The following CPS1 variants were observed in gnomAD, a reference collection of about 807,000 sequenced individuals.
The protein encoded by CPS1 is carbamoyl-phosphate synthase [ammonia], mitochondrial.
A neutral mutation model predicts 174.6 loss-of-function variants in CPS1; 109 were observed. That is an observed-to-expected ratio of 0.62 (90% confidence interval 0.53 to 0.73). The LOEUF (loss-of-function observed/expected upper bound fraction) is 0.73, where lower values mean the gene tolerates loss of function less well. Among genes scored for constraint, CPS1 ranks in the 30% least tolerant of loss-of-function variants. The pLI is 0.00. For synonymous variants in CPS1, 637 were observed against 632.0 expected (o/e 1.01, Z -0.12); for missense variants, 1,689 against 1,821.9 (o/e 0.93, Z 1.33).
chr2:210,620,792 C>T (rs945209719), intron 21 of CPS1, among the ~76,000 whole-genome samples: 11 of 151,996 alleles, frequency 7.2e-5, no homozygotes, highest in African/African-American at 2.7e-4. Context: ...TCCCATTATC[C>T]AGTCACCTCC....
rs1203626815 is a variant in CPS1, at chr2:210,573,392, A to G, written c.221A>G (p.Asn74Ser). ...PSSVAGEVVF[N>S]TGLGGYPEAI... ...TCTGTTGCTGGTGAAGTGGTTTTTA[A>G]TACTGGCCTGGGAGGGTGAGTAATG... is the stretch of plus-strand genomic sequence containing the variant. Residue 74 changes from asparagine (N) to serine (S), a missense_variant, in exon 2 of 38, where the codon AAT (asparagine) becomes AGT (serine). Coordinates refer to ENST00000233072, the MANE Select transcript of CPS1 (RefSeq NM_001875.5). The G allele has an allele frequency of 1.7e-5, 27 of 1,612,380 alleles. No individual in the cohort carries two copies. Among genetic ancestry groups the G allele is most frequent in the Non-Finnish European group, 2.2e-5 (26 of 1,178,594 alleles).
intron 4 of CPS1, among the ~76,000 whole-genome samples, chr2:210,578,617 A>C (rs1697792201): frequency 6.6e-6 from 1 of 152,006 alleles, no homozygotes; most frequent in Non-Finnish European, 1.5e-5. Context: ...GGGGCTAAAC[A>C]TTGCTGCTTT....
At chr2:210,651,022 T>C (rs1700543018) in intron 28 of CPS1, among the ~76,000 whole-genome samples, 1 of 152,200 alleles carries the variant, frequency 6.6e-6, no homozygotes, top group Admixed American at 6.6e-5. Context: ...CCCCCAGCCT[T>C]TACCTTCTCC....
At chr2:210,594,372 C>G in intron 11 of CPS1, 136 bp from the exon 12 acceptor site, 1 of 663,204 alleles carries the variant, frequency 1.5e-6, no homozygotes. Flanking sequence ...GACAAAAAAG[C>G]AAAAAAAGCT....
intron 1 of CPS1, among the ~76,000 whole-genome samples, chr2:210,538,417 G>T (rs568732088): frequency 6.6e-6 from 1 of 152,104 alleles, no homozygotes; most frequent in African/African-American, 2.4e-5. Flanking sequence ...GAACTCAGGA[G>T]AACTGAATTT....
At position 210,490,589 on chromosome 2, in the gene CPS1, G is replaced by C. The variant is rs928714726; in HGVS notation, c.3+12823G>C. On this transcript the variant is annotated intron_variant, in intron 1 of 38. Transcript: ENST00000430249. ...GTGCAGAATACTTGTAGAAGTTTGT[G>C]GGGGGACAGTGAAGGACATTTATTG... 5.3e-5 allele frequency among the ~76,000 whole-genome samples: 8 copies of C among 152,286 alleles called. No homozygotes were observed. The East Asian group carries it at 7.7e-4, about 15-fold the overall frequency.
intron 21 of CPS1, among the ~76,000 whole-genome samples, chr2:210,627,806 A>G (rs1474454161): frequency 1.3e-5 from 2 of 152,126 alleles, no homozygotes; most frequent in Non-Finnish European, 2.9e-5. Flanking sequence ...GTGACTTGCT[A>G]GTTTTGCTCT....
In CPS1 at chr2:210,658,489, G is replaced by A. The variant is rs1179310515; in HGVS notation, c.3667-110G>A. 6.5e-6 allele frequency: 5 copies of A among 774,396 alleles called. No individual in the cohort carries two copies. The East Asian group carries it at 1.3e-4, about 21-fold the overall frequency. The allele number at this position is 774,396 out of a possible 1,614,324, so 48.0% of individuals were successfully genotyped here. A position where few individuals can be genotyped will look rare whatever the true frequency, so the allele number is the denominator to read the frequency against. On this transcript the variant is annotated intron_variant, in intron 30 of 37. Coordinates refer to ENST00000233072, the MANE Select transcript of CPS1 (RefSeq NM_001875.5). Reference sequence around the variant, plus strand: ...TATTAATGTAGATATATAGCTGTCTGTGAAGAGAAATTAAAGACATCCAAA... The same window carrying A: ...TATTAATGTAGATATATAGCTGTCTATGAAGAGAAATTAAAGACATCCAAA...
chr2:210,651,826 T>A (rs534602853), intron 28 of CPS1, among the ~76,000 whole-genome samples: 1 of 152,284 alleles, frequency 6.6e-6, no homozygotes, highest in South Asian at 2.1e-4. Flanking sequence ...TATGTATGTA[T>A]TCATTTATTT....
intron 21 of CPS1, among the ~76,000 whole-genome samples, chr2:210,636,659 G>A (rs1329562509): frequency 1.3e-5 from 2 of 152,102 alleles, no homozygotes; most frequent in African/African-American, 4.8e-5. Context: ...TAAACTGTAT[G>A]ATTCTATGTC....
chr2:210,596,967 G>A (rs1007637907), intron 13 of CPS1, among the ~76,000 whole-genome samples: 5 of 151,660 alleles, frequency 3.3e-5, no homozygotes, highest in African/African-American at 1.2e-4. Flanking sequence ...ATTGCAACAA[G>A]AATTAGAAAA....
chr2:210,508,186 C>A (rs1384975196), intron 1 of CPS1, among the ~76,000 whole-genome samples: 1 of 150,846 alleles, frequency 6.6e-6, no homozygotes, highest in Non-Finnish European at 1.5e-5. Flanking sequence ...GTCTCTCAGA[C>A]CACAGTGCAA....
rs191959722 is a variant in CPS1 at position 210,536,281 on chromosome 2, T to C, written c.4-20438T>C. Reference sequence around the variant, plus strand: ...ACCTCAATTTTTTTTTCTGGATAGTTTTAAATATATGTATTTTGATTTAAA... The same window carrying C: ...ACCTCAATTTTTTTTTCTGGATAGTCTTAAATATATGTATTTTGATTTAAA... On this transcript the variant is annotated intron_variant, in intron 1 of 38. Coordinates refer to the CPS1 transcript ENST00000430249. 4.1e-3 allele frequency among the ~76,000 whole-genome samples: 617 copies of C among 152,150 alleles called. 3 individuals carry two copies. Among genetic ancestry groups the C allele is most frequent in the African/African-American group, 0.013 (560 of 41,512 alleles).
chr2:210,607,447 T>G (rs908666156), intron 18 of CPS1, among the ~76,000 whole-genome samples: 1 of 152,006 alleles, frequency 6.6e-6, no homozygotes, highest in Non-Finnish European at 1.5e-5. Context: ...CTGCTGTCTA[T>G]GTAACAGCCA....
chr2:210,500,673 C>G (rs909543931), intron 1 of CPS1, among the ~76,000 whole-genome samples: 1 of 152,238 alleles, frequency 6.6e-6, no homozygotes, highest in Non-Finnish European at 1.5e-5. Flanking sequence ...AGCTCTGCCC[C>G]TGTGGCTTTG....
intron 1 of CPS1, among the ~76,000 whole-genome samples, chr2:210,496,590 G>T (rs914637877): frequency 6.6e-6 from 1 of 152,128 alleles, no homozygotes; most frequent in African/African-American, 2.4e-5. Flanking sequence ...AAGGAATTTG[G>T]CTGTTTCTCA....
At chr2:210,548,783 A>G (rs1203344108) in intron 1 of CPS1, among the ~76,000 whole-genome samples, 1 of 152,042 alleles carries the variant, frequency 6.6e-6, no homozygotes, top group Non-Finnish European at 1.5e-5. Flanking sequence ...CAACTTACAA[A>G]TCTACAAACC....
At chr2:210,676,723 AG>A (rs1307273132) in intron 36 of CPS1, among the ~76,000 whole-genome samples, 2 of 152,202 alleles carry the variant, frequency 1.3e-5, no homozygotes, top group Non-Finnish European at 2.9e-5. Flanking sequence ...TTAAAAAATA[AG>A]TATCTATCAA....
chr2:210,480,735 C>G (rs754485841), intron 1 of CPS1, among the ~76,000 whole-genome samples: 70 of 152,118 alleles, frequency 4.6e-4, no homozygotes, highest in Non-Finnish European at 9.4e-4. Flanking sequence ...TCCTAAGTAC[C>G]ACTTGTCTCT....
Sources: gnomAD v4.1 joint callset for allele counts (sites outside exome capture counted in the v4.1 genomes callset) on GRCh38, gnomAD v4.1.1 for gene constraint, MANE v1.5 for transcripts, NCBI Gene and HGNC (gene_info 2026-07-23, HGNC 2026-07-21) for gene names.